The following ALG9 variants were observed in gnomAD, a reference collection of about 807,000 sequenced individuals.
ALG9 encodes the protein ALG9 alpha-1,2-mannosyltransferase, also known as alpha-1,2-mannosyltransferase ALG9.
A neutral mutation model predicts 81.8 loss-of-function variants in ALG9; 55 were observed. That is an observed-to-expected ratio of 0.67 (90% CI 0.54 to 0.84). ALG9 has a LOEUF of 0.84. ALG9 is among the 40% of genes least tolerant of loss of function. The pLI is 0.00. For missense variants in ALG9, 629 were observed against 745.0 expected (o/e 0.84, Z 1.81); for synonymous variants, 278 against 274.3 (o/e 1.01, Z -0.13).
chr11:111,859,904 G>A (rs1959440804), intron 5 of ALG9, among the ~76,000 whole-genome samples: 1 of 151,868 alleles, frequency 6.6e-6, no homozygotes, highest in South Asian at 2.1e-4. Context: ...TGGAGAACTG[G>A]GAATAGACTA....
At chr11:111,799,387 C>A (rs782765809) in intron 14 of ALG9, among the ~76,000 whole-genome samples, 1 of 151,634 alleles carries the variant, frequency 6.6e-6, no homozygotes. Context: ...ATGATCCGCT[C>A]GCCTTGGCCT....
intron 3 of ALG9, among the ~76,000 whole-genome samples, chr11:111,867,759 C>T (rs1200940383): frequency 1.3e-5 from 2 of 152,196 alleles, no homozygotes; most frequent in African/African-American, 4.8e-5. Context: ...CTGGATTATT[C>T]ATGGGCTCAG....
chr11:111,839,360 A>G (rs1555121168), intron 10 of ALG9, among the ~76,000 whole-genome samples: 1 of 151,974 alleles, frequency 6.6e-6, no homozygotes, highest in Non-Finnish European at 1.5e-5. Context: ...CCGAGACGGG[A>G]GGATCACAAG....
rs1272870884 is a variant in ALG9 at position 111,801,331 on chromosome 11, G to A, written c.1733+8312C>T. Among the ~76,000 whole-genome samples, 4 of 152,228 alleles carry A rather than the reference G, an allele frequency of 2.6e-5. No homozygotes were observed. In the East Asian group the frequency reaches 7.7e-4, roughly 29 times the overall value. ...AACATCATATGTCATGGTGCTGACA[G>A]ACAGAAACTGCTGTGGCAAAATTGG... On this transcript the variant is annotated intron_variant, in intron 14 of 14. Coordinates refer to ENST00000616540, the MANE Select transcript of ALG9 (RefSeq NM_024740.2).
intron 4 of ALG9, 150 bp from the exon 5 acceptor site, chr11:111,860,785 T>A (rs1959803535): frequency 3.2e-6 from 2 of 628,586 alleles, no homozygotes; most frequent in Non-Finnish European, 2.8e-6. Flanking sequence ...TCACTGTGCA[T>A]AAGAAACCCA....
Position 111,857,723 on chromosome 11 carries a change from T to C in ALG9, c.580A>G (p.Ser194Gly), listed in dbSNP as rs781852203. The stretch of plus-strand genomic sequence containing the variant: ...ATCAACGTAGTGTACATACAGAAGC[T>C]ACTAGGAAGGAATGCTGCAAGAGTA... ...FCSSSAFLPS[S>G]FCMYTTLIAM... The change falls in exon 6 of 15, where the codon AGC becomes GGC. Residue 194 changes from serine (S) to glycine (G), a missense_variant. This residue lies in a region of ALG9 where 344 missense variants were observed against 390.5 expected (regional missense o/e 0.88). Transcript: ENST00000616540. 5.6e-6 allele frequency: 9 copies of C among 1,613,910 alleles called. No homozygotes were observed. The highest frequency in any genetic ancestry group is 3.3e-5 in the Admixed American group (2 of 59,982).
chr11:111,809,517 T>C (rs1159365901), intron 14 of ALG9, 126 bp downstream of exon 14: 13 of 940,478 alleles, frequency 1.4e-5, no homozygotes, highest in Middle Eastern at 2.8e-4. Flanking sequence ...GAGACTCCAT[T>C]ACACACACAC....
intron 6 of ALG9, among the ~76,000 whole-genome samples, chr11:111,857,289 C>T (rs1592338336): frequency 6.6e-6 from 1 of 152,238 alleles, no homozygotes; most frequent in Non-Finnish European, 1.5e-5. Flanking sequence ...ATTATTCAAA[C>T]TCTCAGAGTC....
At chr11:111,823,276 C>T (rs1952725496) in intron 13 of ALG9, among the ~76,000 whole-genome samples, 1 of 152,190 alleles carries the variant, frequency 6.6e-6, no homozygotes, top group Admixed American at 6.5e-5. Flanking sequence ...CTAGAGAAAG[C>T]AACTGTAGAG....
chr11:111,819,611 T>C (rs1344370811), intron 13 of ALG9, among the ~76,000 whole-genome samples: 1 of 152,252 alleles, frequency 6.6e-6, no homozygotes, highest in Non-Finnish European at 1.5e-5. Flanking sequence ...ACTGAGACTA[T>C]CCAGCAGCCA....
chr11:111,795,494 T>C (rs1437627169), intron 14 of ALG9, among the ~76,000 whole-genome samples: 1 of 152,204 alleles, frequency 6.6e-6, no homozygotes, highest in Non-Finnish European at 1.5e-5. Context: ...AATGGCAATA[T>C]ACCCCGCAGG....
At chr11:111,870,104 T>G in intron 2 of ALG9, 128 bp downstream of exon 2, 4 of 1,181,844 alleles carry the variant, frequency 3.4e-6, no homozygotes, top group Non-Finnish European at 4.5e-6. Flanking sequence ...GTTTTTTTGT[T>G]TTTTTTTTTA....
At chr11:111,857,275 G>C (rs879986229) in intron 6 of ALG9, among the ~76,000 whole-genome samples, 2 of 152,076 alleles carry the variant, frequency 1.3e-5, no homozygotes, top group Admixed American at 1.3e-4. Flanking sequence ...AATCTTAAAG[G>C]TAAATTATTC....
intron 5 of ALG9, 186 bp from the exon 6 acceptor site, chr11:111,857,923 T>A: frequency 3.0e-6 from 2 of 676,226 alleles, no homozygotes; most frequent in Non-Finnish European, 4.8e-6. Flanking sequence ...TGAAGTTCAA[T>A]GACTCTTATT....
intron 13 of ALG9, among the ~76,000 whole-genome samples, chr11:111,828,453 C>A (rs1230515725): frequency 1.3e-5 from 2 of 152,140 alleles, no homozygotes; most frequent in Non-Finnish European, 2.9e-5. Flanking sequence ...CTCTTTAGTC[C>A]TAGGTTTCTA....
intron 9 of ALG9, 66 bp downstream of exon 9, chr11:111,844,535 G>A (rs1956683564): frequency 1.9e-6 from 3 of 1,606,838 alleles, no homozygotes; most frequent in Non-Finnish European, 1.7e-6. Flanking sequence ...TTTTCCTTCA[G>A]TTCTTGGTAT....
chr11:111,871,378 C>G lies in ALG9; in HGVS notation c.105G>C (p.Glu35Asp). The change falls in exon 1 of 15, where the codon GAG becomes GAC. Residue 35 changes from glutamate (E) to aspartate (D), a missense_variant. Transcript: ENST00000616540. ...DKLRELLGSR[E>D]AGGAEHRTEL... ...CGGTCCGGTGCTCCGCGCCGCCCGC[C>G]TCTCGGCTGCCCAGCAGCTCCCGCA... The G allele has an allele frequency of 6.5e-7, 1 of 1,533,174 alleles. No homozygotes were observed. The highest frequency in any genetic ancestry group is 1.4e-5 in the African/African-American group (1 of 73,002). 95.0% of individuals were successfully genotyped at this position (1,533,174 alleles called of 1,614,324 possible).
At chr11:111,851,709 A>C (rs1957860748) in intron 8 of ALG9, among the ~76,000 whole-genome samples, 1 of 152,196 alleles carries the variant, frequency 6.6e-6, no homozygotes, top group Non-Finnish European at 1.5e-5. Flanking sequence ...AACAATTTCT[A>C]CTGTGCAGTC....
intron 13 of ALG9, among the ~76,000 whole-genome samples, chr11:111,813,656 C>T (rs998964991): frequency 6.6e-6 from 1 of 152,128 alleles, no homozygotes; most frequent in Non-Finnish European, 1.5e-5. Flanking sequence ...TGCTAATCAA[C>T]AAGACAAAGA....
Sources: gnomAD v4.1 joint callset for allele counts (sites outside exome capture counted in the v4.1 genomes callset) on GRCh38, gnomAD v4.1.1 for gene constraint, gnomAD v4.1.1 regional missense constraint, MANE v1.5 for transcripts, NCBI Gene and HGNC (gene_info 2026-07-23, HGNC 2026-07-21) for gene names.